SIPA1L2: variants seen among roughly 807,000 people sequenced by gnomAD.
SIPA1L2 encodes the protein signal induced proliferation associated 1 like 2.
Under a neutral mutation model 163.9 loss-of-function variants are expected in SIPA1L2, and 56 were observed. The ratio of observed to expected loss-of-function variants is 0.34; its 90% CI spans 0.28 to 0.43. SIPA1L2 has a LOEUF of 0.43. SIPA1L2 is among the 20% of genes least tolerant of loss of function. The pLI is 1.00. For synonymous variants in SIPA1L2, 877 were observed against 865.7 expected (o/e 1.01, Z -0.23); for missense variants, 1,974 against 2,193.5 (o/e 0.90, Z 2.00).
At chr1:232,435,103 G>A (rs1662476773) in intron 15 of SIPA1L2, among the ~76,000 whole-genome samples, 2 of 152,110 alleles carry the variant, frequency 1.3e-5, no homozygotes, top group Admixed American at 6.5e-5. Context: ...GATGATCCCC[G>A]AGATGTTTCG....
In SIPA1L2 at chr1:232,514,574, C is replaced by T. The variant is rs777962734; in HGVS notation, c.766G>A (p.Val256Ile). 2 of 1,614,168 alleles carry T rather than the reference C, an allele frequency of 1.2e-6. No homozygotes were observed. Among genetic ancestry groups the T allele is most frequent in the Non-Finnish European group, 8.5e-7 (1 of 1,180,016 alleles). The change falls in exon 3 of 23, where the codon GTC becomes ATC. Residue 256 changes from valine to isoleucine, a missense_variant. By Grantham distance (29) the Val-to-Ile change is conservative (BLOSUM62 3). Around this residue, in one of 3 missense-constraint regions of SIPA1L2, gnomAD observed 607 missense variants for 624.0 expected, o/e 0.97. Coordinates refer to ENST00000674635, the MANE Select transcript of SIPA1L2 (RefSeq NM_020808.5). ...ACATAATCTAATCCTGAGATGCGGA[C>T]AAATTCTCCCCTAGAAATCTGTGCT... is the stretch of plus-strand genomic sequence containing the variant. ...AAAQISRGEF[V>I]RISGLDYVDS... is the part of the protein sequence containing the mutation.
chr1:232,557,830 G>C (rs1206895321), intron 2 of SIPA1L2, among the ~76,000 whole-genome samples: 1 of 152,218 alleles, frequency 6.6e-6, no homozygotes, highest in African/African-American at 2.4e-5. Context: ...TCAGCTAAAT[G>C]AAACATTGCC....
intron 4 of SIPA1L2, among the ~76,000 whole-genome samples, chr1:232,493,123 C>T (rs1189335778): frequency 2.0e-5 from 3 of 152,096 alleles, no homozygotes; most frequent in Non-Finnish European, 2.9e-5. Context: ...TGGCCCTTCC[C>T]CCTTTACTCT....
intron 1 of SIPA1L2, among the ~76,000 whole-genome samples, chr1:232,593,224 C>T (rs57043857): frequency 0.16 from 24,735 of 152,130 alleles, 2,130 homozygotes; most frequent in Middle Eastern, 0.24. Context: ...ATTCAACTCT[C>T]TCATAGAGAT....
intron 1 of SIPA1L2, among the ~76,000 whole-genome samples, chr1:232,612,147 T>G (rs1215291727): frequency 6.6e-6 from 1 of 152,208 alleles, no homozygotes; most frequent in East Asian, 1.9e-4. Flanking sequence ...AACTGAGGTT[T>G]GGGAACCTCA....
intron 1 of SIPA1L2, among the ~76,000 whole-genome samples, chr1:232,617,929 TACTC>T (rs10544351): frequency 0.48 from 72,436 of 151,620 alleles, 17,586 homozygotes; most frequent in African/African-American, 0.56. Context: ...GTGTGCAACT[TACTC>T]TGAAATGCAT....
chr1:232,519,607 A>T (rs1318317670), intron 2 of SIPA1L2, among the ~76,000 whole-genome samples: 5 of 152,216 alleles, frequency 3.3e-5, no homozygotes, highest in African/African-American at 1.2e-4. Flanking sequence ...GTGATTTTAC[A>T]TCATTTTGTC....
At chr1:232,593,520 C>T (rs1230199716) in intron 1 of SIPA1L2, among the ~76,000 whole-genome samples, 3 of 152,090 alleles carry the variant, frequency 2.0e-5, no homozygotes, top group Non-Finnish European at 4.4e-5. Context: ...AATTCTGAAA[C>T]CAATTTTAGT....
intron 1 of SIPA1L2, among the ~76,000 whole-genome samples, chr1:232,577,060 G>C (rs1285674): frequency 6.6e-6 from 1 of 151,942 alleles, no homozygotes; most frequent in Non-Finnish European, 1.5e-5. Context: ...GAGAGGGGAA[G>C]TCAATGCCTG....
intron 1 of SIPA1L2, among the ~76,000 whole-genome samples, chr1:232,611,607 G>A (rs1662239969): frequency 6.6e-6 from 1 of 152,184 alleles, no homozygotes; most frequent in South Asian, 2.1e-4. Context: ...CCTTGCCCTA[G>A]AGATTTGTGG....
At chr1:232,618,641 G>A (rs1662631717) in intron 1 of SIPA1L2, among the ~76,000 whole-genome samples, 3 of 138,744 alleles carry the variant, frequency 2.2e-5, no homozygotes, top group African/African-American at 8.4e-5. Context: ...GGGACAGAGT[G>A]AGACTCCATC....
intron 11 of SIPA1L2, among the ~76,000 whole-genome samples, chr1:232,444,235 C>T (rs902435079): frequency 9.2e-5 from 14 of 152,052 alleles, no homozygotes; most frequent in Non-Finnish European, 2.9e-5. Context: ...CCAAGTTTCC[C>T]TTTTGCTACT....
chr1:232,437,576 G>A (rs1206689709), intron 15 of SIPA1L2, among the ~76,000 whole-genome samples: 1 of 152,146 alleles, frequency 6.6e-6, no homozygotes, highest in Admixed American at 6.5e-5. Context: ...GTCAAATAAT[G>A]TCCTGCTTCT....
intron 1 of SIPA1L2, among the ~76,000 whole-genome samples, chr1:232,582,921 G>T (rs10797579): frequency 0.24 from 35,901 of 152,052 alleles, 4,477 homozygotes; most frequent in Non-Finnish European, 0.26. Context: ...AGATATATAA[G>T]GAAGACTCGT....
At chr1:232,509,375 T>G (rs1666877238) in intron 3 of SIPA1L2, among the ~76,000 whole-genome samples, 1 of 152,122 alleles carries the variant, frequency 6.6e-6, no homozygotes, top group African/African-American at 2.4e-5. Context: ...AAATGAAGTT[T>G]TACACAGAAC....
At chr1:232,461,863 T>G (rs995157984) in intron 9 of SIPA1L2, among the ~76,000 whole-genome samples, 6 of 152,160 alleles carry the variant, frequency 3.9e-5, no homozygotes, top group Non-Finnish European at 7.4e-5. Context: ...TGCCTATGCT[T>G]GCCTGAGTGG....
chr1:232,429,167 C>T (rs1662080426), intron 16 of SIPA1L2, among the ~76,000 whole-genome samples: 3 of 152,202 alleles, frequency 2.0e-5, no homozygotes, highest in African/African-American at 4.8e-5. Flanking sequence ...CTGTTTTTAG[C>T]TCCTTTACAG....
intron 2 of SIPA1L2, among the ~76,000 whole-genome samples, chr1:232,544,420 C>T (rs1409592213): frequency 2.0e-5 from 3 of 152,032 alleles, no homozygotes; most frequent in African/African-American, 4.8e-5. Context: ...ATTAGCCAGG[C>T]GTGGTGGCAG....
chr1:232,612,920 A>T (rs1473970601), intron 1 of SIPA1L2, among the ~76,000 whole-genome samples: 1 of 151,616 alleles, frequency 6.6e-6, no homozygotes, highest in Admixed American at 6.6e-5. Context: ...TACTCCCATA[A>T]TTCCTACACG....
Sources: allele counts gnomAD v4.1 joint callset (sites outside exome capture counted in the v4.1 genomes callset), GRCh38; gene constraint gnomAD v4.1.1; regional missense constraint gnomAD v4.1.1; transcripts MANE v1.5; gene names NCBI Gene and HGNC (gene_info 2026-07-23, HGNC 2026-07-21).